Variants in EXT1 observed in about 807,000 individuals in gnomAD.
The protein encoded by EXT1 is exostosin-1.
A neutral mutation model predicts 82.5 loss-of-function variants in EXT1; 20 were observed. The ratio of observed to expected loss-of-function variants is 0.24; its 90% CI spans 0.17 to 0.35. EXT1 has a LOEUF of 0.35. EXT1 is among the 10% of genes least tolerant of loss of function. The pLI, the probability that EXT1 is intolerant of heterozygous loss-of-function variation, is 1.00. For missense variants in EXT1, 757 were observed against 936.5 expected (o/e 0.81, Z 2.50); for synonymous variants, 348 against 350.8 (o/e 0.99, Z 0.09).
intron 1 of EXT1, among the ~76,000 whole-genome samples, chr8:117,960,532 G>C (rs1254969713): frequency 6.6e-6 from 1 of 152,080 alleles, no homozygotes; most frequent in Non-Finnish European, 1.5e-5. Context: ...AAACAAATCA[G>C]GTAAGTGAAT....
At chr8:117,983,653 C>A (rs550879406) in intron 1 of EXT1, among the ~76,000 whole-genome samples, 17 of 152,278 alleles carry the variant, frequency 1.1e-4, no homozygotes, top group African/African-American at 4.1e-4. Context: ...GAAGATCTTA[C>A]ATTATCAGCA....
chr8:117,988,671 C>A (rs1815372471), intron 1 of EXT1, among the ~76,000 whole-genome samples: 1 of 152,186 alleles, frequency 6.6e-6, no homozygotes, highest in Non-Finnish European at 1.5e-5. Context: ...GAGAGGCCTG[C>A]AAGGTGCAGC....
intron 1 of EXT1, among the ~76,000 whole-genome samples, chr8:118,006,195 T>A (rs1815771351): frequency 6.6e-6 from 1 of 152,162 alleles, no homozygotes; most frequent in South Asian, 2.1e-4. Flanking sequence ...TTGCAAGGAG[T>A]GAGTCTACTA....
intron 1 of EXT1, among the ~76,000 whole-genome samples, chr8:118,059,214 G>A (rs1288972963): frequency 6.6e-6 from 1 of 152,130 alleles, no homozygotes. Context: ...AGCGGCTCAC[G>A]GCAGTATAGT....
chr8:117,894,235 C>T (rs764196711), intron 1 of EXT1, among the ~76,000 whole-genome samples: 3 of 151,854 alleles, frequency 2.0e-5, no homozygotes, highest in Non-Finnish European at 4.4e-5. Flanking sequence ...GATGAGGTCT[C>T]GCTATATTGT....
rs571975339 is a variant in EXT1, at chr8:117,855,950, G to A, written c.963-18749C>T. ...CTCCCAAAGTGCTGGGATTACAGGC[G>A]TAAGCCACCATGCCCGGCCGCATCT... On this transcript the variant is annotated intron_variant, in intron 1 of 10. Transcript: ENST00000378204. Among the ~76,000 whole-genome samples the A allele has an allele frequency of 1.3e-3, 200 of 152,278 alleles. 1 individual carries two copies. Among genetic ancestry groups the A allele is most frequent in the African/African-American group, 4.5e-3 (188 of 41,560 alleles).
At chr8:118,044,510 C>T (rs541987203) in intron 1 of EXT1, among the ~76,000 whole-genome samples, 7 of 152,074 alleles carry the variant, frequency 4.6e-5, no homozygotes, top group African/African-American at 9.6e-5. Context: ...CGGGTTCAAG[C>T]GATTCTCCTG....
At chr8:117,856,503 T>A (rs909997798) in intron 1 of EXT1, among the ~76,000 whole-genome samples, 1 of 148,358 alleles carries the variant, frequency 6.7e-6, no homozygotes, top group African/African-American at 2.5e-5. Context: ...CCTGACCTCA[T>A]GATCCGCCCA....
chr8:118,092,127 T>G (rs1032650895), intron 1 of EXT1, among the ~76,000 whole-genome samples: 1 of 152,246 alleles, frequency 6.6e-6, no homozygotes, highest in African/African-American at 2.4e-5. Context: ...TAAAATATAT[T>G]TGGAGGAAAA....
At chr8:118,059,341 A>C (rs1271174853) in intron 1 of EXT1, among the ~76,000 whole-genome samples, 1 of 152,192 alleles carries the variant, frequency 6.6e-6, no homozygotes, top group Non-Finnish European at 1.5e-5. Context: ...GGGTACGGCT[A>C]GCCATATGGG....
chr8:118,053,761 T>C (rs1376650317), intron 1 of EXT1, among the ~76,000 whole-genome samples: 2 of 152,352 alleles, frequency 1.3e-5, no homozygotes, highest in Admixed American at 1.3e-4. Flanking sequence ...CCAAAGACCA[T>C]ACAGCTTATA....
chr8:118,070,906 C>T (rs938227002), intron 1 of EXT1, among the ~76,000 whole-genome samples: 1 of 152,118 alleles, frequency 6.6e-6, no homozygotes, highest in African/African-American at 2.4e-5. Context: ...AAATATAAAA[C>T]CATATGAAAT....
At position 117,894,174 on chromosome 8, in the gene EXT1, CTTTCT is replaced by C. The variant is rs147903580; in HGVS notation, c.963-56978_963-56974del. On this transcript the variant is annotated intron_variant, in intron 1 of 10. Coordinates refer to ENST00000378204, the MANE Select transcript of EXT1 (RefSeq NM_000127.3). ...TAATCACTCTCTGGTTTTGGTTTTT[CTTTCT>C]TTTCTTTTCTTTTCTCTTTTCTTTT... is the stretch of plus-strand genomic sequence containing the variant. Among the ~76,000 whole-genome samples, 1,143 of 152,056 alleles carry C rather than the reference CTTTCT, an allele frequency of 7.5e-3. 21 individuals are homozygous for C. Among genetic ancestry groups the C allele is most frequent in the African/African-American group, 0.026 (1,083 of 41,468 alleles).
At chr8:118,098,250 G>C (rs1029341203) in intron 1 of EXT1, among the ~76,000 whole-genome samples, 3 of 152,154 alleles carry the variant, frequency 2.0e-5, no homozygotes, top group African/African-American at 7.2e-5. Context: ...CCCCCGCTAG[G>C]AGTGTGAAAT....
chr8:117,875,860 G>A (rs1046456205), intron 1 of EXT1, among the ~76,000 whole-genome samples: 11 of 152,148 alleles, frequency 7.2e-5, no homozygotes, highest in African/African-American at 1.7e-4. Context: ...GGCAGTGACC[G>A]TGGGTGCTTA....
chr8:117,996,216 T>C (rs913120408), intron 1 of EXT1, among the ~76,000 whole-genome samples: 5 of 152,096 alleles, frequency 3.3e-5, no homozygotes, highest in East Asian at 1.9e-4. Context: ...CACAGAAAGG[T>C]GTTCCAATGG....
chr8:117,872,160 AAGGGAGGG>A (rs549434816), intron 1 of EXT1, among the ~76,000 whole-genome samples: 3 of 141,256 alleles, frequency 2.1e-5, no homozygotes, highest in African/African-American at 5.1e-5. Flanking sequence ...AAGGAAAAGG[AAGGGAGGG>A]AGGGAGGGAG....
chr8:117,912,665 T>G (rs552951136), intron 1 of EXT1, among the ~76,000 whole-genome samples: 1 of 152,336 alleles, frequency 6.6e-6, no homozygotes, highest in Non-Finnish European at 1.5e-5. Context: ...ATGAGTTTAT[T>G]CTGGCTAGAG....
At chr8:117,864,600 T>C (rs1812741276) in intron 1 of EXT1, among the ~76,000 whole-genome samples, 3 of 151,942 alleles carry the variant, frequency 2.0e-5, no homozygotes, top group African/African-American at 7.3e-5. Flanking sequence ...ATACAAAAAA[T>C]TAGCGGGGCA....
Sources: gnomAD v4.1 joint callset for allele counts (sites outside exome capture counted in the v4.1 genomes callset) on GRCh38, gnomAD v4.1.1 for gene constraint, MANE v1.5 for transcripts, NCBI Gene and HGNC (gene_info 2026-07-23, HGNC 2026-07-21) for gene names.